Variants in ATP13A4 observed in about 807,000 individuals in gnomAD.
ATP13A4 encodes the protein probable cation-transporting ATPase 13A4.
In ATP13A4, 114 loss-of-function variants were observed where a neutral mutation model predicts 142.5. The observed-to-expected ratio is 0.80, with a 90% CI of 0.69 to 0.93. The LOEUF is 0.93. Ranked by LOEUF, ATP13A4 falls within the 40% of genes least tolerant of loss-of-function variation. The pLI is 0.00. For missense variants in ATP13A4, 1,392 were observed against 1,454.0 expected, an observed-to-expected ratio of 0.96 and a Z score of 0.69; for synonymous variants, 488 against 514.8, an observed-to-expected ratio of 0.95 and a Z score of 0.70.
chr3:193,569,643 T>G (rs1227663281), intron 2 of ATP13A4, among the ~76,000 whole-genome samples: 1 of 151,872 alleles, frequency 6.6e-6, no homozygotes, highest in Non-Finnish European at 1.5e-5. Context: ...TCCTCCCATC[T>G]CAGCCTCCCA....
rs1383783577 is a variant in ATP13A4 at position 193,401,024 on chromosome 3, G to C, written c.*1628C>G. The stretch of plus-strand genomic sequence containing the variant: ...CCCTATTTTAAAACCAGAAGTAACA[G>C]GGTACCCTCATGGCTGGGAGACACC... On this transcript the variant is annotated 3_prime_UTR_variant, in exon 30 of 30. Coordinates refer to ENST00000342695, the MANE Select transcript of ATP13A4 (RefSeq NM_032279.4). 6.6e-6 allele frequency among the ~76,000 whole-genome samples: 1 copy of C among 152,164 alleles called. No homozygotes were observed. Among genetic ancestry groups the C allele is most frequent in the Non-Finnish European group, 1.5e-5 (1 of 68,030 alleles).
chr3:193,535,657 A>G (rs1327891088), intron 1 of ATP13A4, among the ~76,000 whole-genome samples: 1 of 152,138 alleles, frequency 6.6e-6, no homozygotes, highest in African/African-American at 2.4e-5. Flanking sequence ...GCCCAAGGTG[A>G]GCAGAACAAA....
intron 2 of ATP13A4, among the ~76,000 whole-genome samples, chr3:193,573,077 AG>A (rs935765349): frequency 2.0e-5 from 3 of 149,348 alleles, no homozygotes; most frequent in Admixed American, 2.0e-4. Flanking sequence ...CTGAGGTGGG[AG>A]GATGGTTTGA....
intron 25 of ATP13A4, among the ~76,000 whole-genome samples, chr3:193,415,739 G>A (rs909781097): frequency 6.6e-6 from 1 of 151,400 alleles, no homozygotes; most frequent in African/African-American, 2.5e-5. Flanking sequence ...GCTAACAAAT[G>A]CAGTTGCCTA....
chr3:193,516,446 G>T (rs568989280), intron 1 of ATP13A4, among the ~76,000 whole-genome samples: 7 of 152,256 alleles, frequency 4.6e-5, no homozygotes, highest in African/African-American at 1.7e-4. Context: ...ATACTCTTCT[G>T]CTCCAAGCTC....
chr3:193,505,429 C>A (rs747787229), intron 2 of ATP13A4, among the ~76,000 whole-genome samples: 2 of 152,104 alleles, frequency 1.3e-5, no homozygotes, highest in African/African-American at 2.4e-5. Flanking sequence ...AACTGACATT[C>A]ATCTATACAC....
At chr3:193,546,948 G>A (rs1723263804) in intron 1 of ATP13A4, among the ~76,000 whole-genome samples, 1 of 152,202 alleles carries the variant, frequency 6.6e-6, no homozygotes, top group African/African-American at 2.4e-5. Flanking sequence ...CACCATATAA[G>A]TATTTGCTCT....
rs75054790 is a variant in ATP13A4 at position 193,403,975 on chromosome 3, A to G, written c.3379-1111T>C. The G allele has an allele frequency of 2.7e-3, 2,705 of 985,410 alleles. 48 individuals are homozygous for G. In the African/African-American group the frequency reaches 0.043, roughly 16 times the overall value. The allele number at this position is 985,410 out of a possible 1,614,324, so 61.0% of individuals were successfully genotyped here. A position where few individuals can be genotyped will look rare whatever the true frequency, so the allele number is the denominator to read the frequency against. On this transcript the variant is annotated intron_variant, in intron 29 of 29. Coordinates refer to ENST00000342695, the MANE Select transcript of ATP13A4 (RefSeq NM_032279.4). Reference sequence around the variant, plus strand: ...TTTTGCCATTTAGGTTCCACTGCCCATGAAAGGATAGAGAACAGCCAGTCT... The same window carrying G: ...TTTTGCCATTTAGGTTCCACTGCCCGTGAAAGGATAGAGAACAGCCAGTCT...
intron 23 of ATP13A4, among the ~76,000 whole-genome samples, chr3:193,438,032 C>T (rs546602065): frequency 3.9e-5 from 6 of 152,132 alleles, no homozygotes; most frequent in Admixed American, 2.0e-4. Context: ...CGGCGTTTCA[C>T]CATGTTAGCC....
At chr3:193,575,998 C>T (rs992168205) in intron 2 of ATP13A4, among the ~76,000 whole-genome samples, 5 of 152,126 alleles carry the variant, frequency 3.3e-5, no homozygotes, top group African/African-American at 1.2e-4. Flanking sequence ...AGAAGGACAG[C>T]AACTGGCACC....
chr3:193,445,649 C>T (rs1036486213), intron 18 of ATP13A4, among the ~76,000 whole-genome samples: 4 of 150,050 alleles, frequency 2.7e-5, no homozygotes, highest in Non-Finnish European at 5.9e-5. Flanking sequence ...CCCAGCTACT[C>T]GGGAGGCTGA....
intron 24 of ATP13A4, 58 bp from the exon 25 acceptor site, chr3:193,433,975 AT>A: frequency 1.6e-6 from 2 of 1,284,716 alleles, no homozygotes; most frequent in Non-Finnish European, 2.3e-6. Context: ...GAAATTAGAT[AT>A]TGATTACATT....
At chr3:193,429,036 G>C (rs4518071) in intron 25 of ATP13A4, among the ~76,000 whole-genome samples, 94,886 of 151,610 alleles carry the variant, frequency 0.63, 31,332 homozygotes, top group Non-Finnish European at 0.74. Context: ...GTAAATGGCT[G>C]ATGAGCACAT....
chr3:193,555,731 G>A (rs1208138125), upstream of ATP13A4, among the ~76,000 whole-genome samples: 1 of 152,214 alleles, frequency 6.6e-6, no homozygotes, highest in Non-Finnish European at 1.5e-5. Context: ...ATGATAGAAA[G>A]TGGATTGTTA....
At chr3:193,460,955 G>T (rs1233965023) in intron 13 of ATP13A4, among the ~76,000 whole-genome samples, 1 of 152,182 alleles carries the variant, frequency 6.6e-6, no homozygotes, top group African/African-American at 2.4e-5. Flanking sequence ...GTATTGAATA[G>T]TCTATAAGTC....
At chr3:193,549,729 G>T (rs1229306673) in intron 1 of ATP13A4, among the ~76,000 whole-genome samples, 1 of 152,114 alleles carries the variant, frequency 6.6e-6, no homozygotes, top group Non-Finnish European at 1.5e-5. Context: ...CTACTCAGGA[G>T]GCTGATGTGG....
intron 17 of ATP13A4, among the ~76,000 whole-genome samples, chr3:193,451,982 A>C (rs969411118): frequency 1.3e-5 from 2 of 152,150 alleles, no homozygotes; most frequent in Non-Finnish European, 2.9e-5. Flanking sequence ...ACCATACAAG[A>C]TTTTAAGAAG....
rs774328498 is a variant in ATP13A4 at position 193,506,125 on chromosome 3, G to C, written c.235-3486C>G. Among the ~76,000 whole-genome samples, 137 of 152,266 alleles carry C rather than the reference G, an allele frequency of 9.0e-4. 2 individuals carry two copies. Among genetic ancestry groups the C allele is most frequent in the Non-Finnish European group, 2.1e-4 (14 of 68,022 alleles). On this transcript the variant is annotated intron_variant, in intron 2 of 29. Coordinates refer to ENST00000342695, the MANE Select transcript of ATP13A4 (RefSeq NM_032279.4). Reference sequence around the variant, plus strand: ...TTCTCCCTTTGAGGAAACTCTAAAAGTCTCTCAATTTTTCCTTTTTGGAAA... The same window carrying C: ...TTCTCCCTTTGAGGAAACTCTAAAACTCTCTCAATTTTTCCTTTTTGGAAA...
chr3:193,530,781 C>T (rs912666941), intron 1 of ATP13A4, among the ~76,000 whole-genome samples: 1 of 152,292 alleles, frequency 6.6e-6, no homozygotes. Flanking sequence ...TGTCCAGGAA[C>T]TTCAGGCAAA....
Sources: allele counts gnomAD v4.1 joint callset (sites outside exome capture counted in the v4.1 genomes callset), GRCh38; gene constraint gnomAD v4.1.1; transcripts MANE v1.5; gene names NCBI Gene and HGNC (gene_info 2026-07-23, HGNC 2026-07-21).